The following MUC13 variants were observed in gnomAD, a reference collection of about 807,000 sequenced individuals.
The protein encoded by MUC13 is mucin-13.
A neutral mutation model predicts 48.3 loss-of-function variants in MUC13; 32 were observed. The ratio of observed to expected loss-of-function variants is 0.66; its 90% confidence interval spans 0.50 to 0.89. The LOEUF (loss-of-function observed/expected upper bound fraction) is 0.89. Ranked by LOEUF, MUC13 falls within the 40% of genes least tolerant of loss-of-function variation. MUC13 has a pLI of 0.00. For missense variants in MUC13, 571 were observed against 622.8 expected, an observed-to-expected ratio of 0.92 and a Z score of 0.88; for synonymous variants, 199 against 224.9, an observed-to-expected ratio of 0.88 and a Z score of 1.03.
chr3:124,914,193 C>A (rs1224070934), intron 6 of MUC13, among the ~76,000 whole-genome samples: 1 of 152,000 alleles, frequency 6.6e-6, no homozygotes, highest in Non-Finnish European at 1.5e-5. Flanking sequence ...TGGTGGATCA[C>A]GAGGTCAGAA....
Position 124,934,739 on chromosome 3 carries a change from A to G in MUC13, c.-27T>C. 1 of 1,579,042 alleles carries G rather than the reference A, an allele frequency of 6.3e-7. No individual in the cohort carries two copies. The highest frequency in any genetic ancestry group is 1.1e-5 in the South Asian group (1 of 90,084). On this transcript the variant is annotated 5_prime_UTR_variant, in exon 1 of 12. Coordinates refer to ENST00000616727, the MANE Select transcript of MUC13 (RefSeq NM_033049.4). ...TTAGCTGTTCTTGCTTGGTAATCTG[A>G]GGAGGAAATGATTTCCCTTCCTGGC...
At chr3:124,909,991 A>T (rs1021626899) in intron 10 of MUC13, among the ~76,000 whole-genome samples, 1 of 152,162 alleles carries the variant, frequency 6.6e-6, no homozygotes, top group African/African-American at 2.4e-5. Flanking sequence ...ATATCTCAAA[A>T]TGTTAGTTGC....
At chr3:124,913,087 CA>C in intron 8 of MUC13, 23 bp downstream of exon 8, 1 of 1,611,716 alleles carries the variant, frequency 6.2e-7, no homozygotes, top group Non-Finnish European at 8.5e-7. Flanking sequence ...TGTGGCAAGA[CA>C]AAAACAAAGT....
At chr3:124,931,161 G>A (rs906042314) in intron 1 of MUC13, among the ~76,000 whole-genome samples, 3 of 152,072 alleles carry the variant, frequency 2.0e-5, no homozygotes, top group Non-Finnish European at 4.4e-5. Context: ...GGCCAGGAGC[G>A]GTGGCTCATG....
At chr3:124,913,533 G>A (rs1165761599) in intron 7 of MUC13, 29 bp downstream of exon 7, 7 of 1,613,486 alleles carry the variant, frequency 4.3e-6, no homozygotes, top group East Asian at 2.2e-5. Flanking sequence ...ATGTTATGAA[G>A]AACATTTAGA....
chr3:124,920,222 T>C lies in MUC13; in HGVS notation c.800+12A>G, dbSNP rs1262344243. 6.2e-7 allele frequency: 1 copy of C among 1,601,256 alleles called. No individual in the cohort carries two copies. The highest frequency in any genetic ancestry group is 2.2e-5 in the East Asian group (1 of 44,770). On this transcript the variant is annotated intron_variant, in intron 5 of 11. Transcript: ENST00000616727. Reference sequence around the variant, plus strand: ...ACACATCTGCCTCCAAAATTGTCCATAACAAACTTACCTTACAGTAAGAAT... The same window carrying C: ...ACACATCTGCCTCCAAAATTGTCCACAACAAACTTACCTTACAGTAAGAAT...
chr3:124,933,398 AC>A (rs1231950964), intron 1 of MUC13, among the ~76,000 whole-genome samples: 1 of 152,158 alleles, frequency 6.6e-6, no homozygotes, highest in African/African-American at 2.4e-5. Context: ...GGACTGATCC[AC>A]CAAAGAAGAA....
At chr3:124,932,338 G>A (rs1221626820) in intron 1 of MUC13, among the ~76,000 whole-genome samples, 2 of 152,184 alleles carry the variant, frequency 1.3e-5, no homozygotes, top group Non-Finnish European at 2.9e-5. Context: ...GGCCAAGGCA[G>A]GTGGATCTCC....
At chr3:124,919,607 A>T (rs1935560795) in intron 5 of MUC13, among the ~76,000 whole-genome samples, 1 of 152,180 alleles carries the variant, frequency 6.6e-6, no homozygotes, top group African/African-American at 2.4e-5. Flanking sequence ...GTCTTAGAGC[A>T]TTCTTTCCTC....
intron 2 of MUC13, among the ~76,000 whole-genome samples, chr3:124,925,465 T>A (rs180748095): frequency 4.9e-4 from 75 of 152,338 alleles, no homozygotes; most frequent in African/African-American, 1.7e-3. Flanking sequence ...GATAATGATG[T>A]GTCACTGGAG....
intron 11 of MUC13, 135 bp downstream of exon 11, chr3:124,908,012 C>G (rs762758980): frequency 2.3e-4 from 190 of 827,160 alleles, no homozygotes; most frequent in Non-Finnish European, 2.8e-4. Context: ...ATCTCTCTCT[C>G]TCTCTCTCTT....
At chr3:124,918,085 C>A (rs368570134) in intron 5 of MUC13, among the ~76,000 whole-genome samples, 3 of 152,138 alleles carry the variant, frequency 2.0e-5, no homozygotes, top group East Asian at 1.9e-4. Context: ...CTTCTCCAGG[C>A]CCGAGTTTCT....
chr3:124,914,224 A>T (rs1457750437), intron 6 of MUC13, among the ~76,000 whole-genome samples: 1 of 152,108 alleles, frequency 6.6e-6, no homozygotes, highest in African/African-American at 2.4e-5. Context: ...AGCCTGACCA[A>T]CATGGTGAAA....
intron 8 of MUC13, 117 bp downstream of exon 8, chr3:124,912,994 A>G: frequency 8.6e-7 from 1 of 1,160,558 alleles, no homozygotes; most frequent in Non-Finnish European, 1.2e-6. Flanking sequence ...TGCTGTCTCT[A>G]CCAACCTATG....
chr3:124,934,513 G>A, intron 1 of MUC13, 148 bp downstream of exon 1: 1 of 596,400 alleles, frequency 1.7e-6, no homozygotes. Context: ...TAAAATGTCT[G>A]TGTCTTTGAG....
At chr3:124,928,350 T>C (rs2107673660) in intron 1 of MUC13, among the ~76,000 whole-genome samples, 1 of 152,290 alleles carries the variant, frequency 6.6e-6, no homozygotes, top group Non-Finnish European at 1.5e-5. Context: ...AAAAATGTTA[T>C]TGAAAAATGT....
At position 124,912,978 on chromosome 3, in the gene MUC13, T is replaced by G. The variant is rs532856400; in HGVS notation, c.1214+133A>C. On this transcript the variant is annotated intron_variant, in intron 8 of 11. Coordinates refer to ENST00000616727, the MANE Select transcript of MUC13 (RefSeq NM_033049.4). ...AAAAAACTATTGATGATGACAATGA[T>G]GAGGATGCTGTCTCTACCAACCTAT... 1.6e-3 allele frequency: 1,246 copies of G among 776,138 alleles called. 5 individuals carry two copies. The highest frequency in any genetic ancestry group is 3.2e-3 in the South Asian group (104 of 32,558). 48.1% of individuals were successfully genotyped at this position (776,138 alleles called of 1,614,324 possible). A position where few individuals can be genotyped will look rare whatever the true frequency, so the allele number is the denominator to read the frequency against.
chr3:124,920,503 A>G (rs1305716169), intron 4 of MUC13, among the ~76,000 whole-genome samples: 2 of 152,120 alleles, frequency 1.3e-5, no homozygotes, highest in Admixed American at 6.5e-5. Context: ...AGTTGTCTCT[A>G]TTTTCCTAAC....
chr3:124,908,380 A>G (rs764652038), intron 10 of MUC13, 32 bp from the exon 11 acceptor site: 1 of 1,554,734 alleles, frequency 6.4e-7, no homozygotes, highest in South Asian at 1.1e-5. Flanking sequence ...AGGATTTGAC[A>G]ATGGCAGAAA....
Sources: allele counts gnomAD v4.1 joint callset (sites outside exome capture counted in the v4.1 genomes callset), GRCh38; gene constraint gnomAD v4.1.1; transcripts MANE v1.5; gene names NCBI Gene and HGNC (gene_info 2026-07-23, HGNC 2026-07-21).